The following KLKB1 variants were observed in gnomAD, a reference collection of about 807,000 sequenced individuals.
The protein encoded by KLKB1 is plasma kallikrein.
KLKB1 carries 58 observed loss-of-function variants against 73.6 expected under a neutral mutation model. That is an observed-to-expected ratio of 0.79 (90% CI 0.64 to 0.98). The LOEUF is 0.98. Among genes scored for constraint, KLKB1 ranks in the 50% least tolerant of loss-of-function variants. The probability of loss-of-function intolerance (pLI) is 0.00; values close to 1 mark genes in which losing one functional copy is unlikely to be tolerated. For synonymous variants in KLKB1, 280 were observed against 258.1 expected (o/e 1.08, Z -0.81); for missense variants, 737 against 763.8 (o/e 0.96, Z 0.41).
chr4:186,212,438 A>G (rs900194285), intron 2 of KLKB1: 3 of 152,236 alleles, frequency 2.0e-5, no homozygotes, highest in African/African-American at 7.2e-5. Flanking sequence ...TTTTAATTTG[A>G]TAGGCAATAC....
At chr4:186,216,128 T>C (rs1736897182) in intron 2 of KLKB1, among the ~76,000 whole-genome samples, 1 of 152,244 alleles carries the variant, frequency 6.6e-6, no homozygotes, top group Non-Finnish European at 1.5e-5. Flanking sequence ...ATAGCTTACA[T>C]GTGCGATTGT....
At chr4:186,217,444 A>G (rs1736932653) in intron 2 of KLKB1, among the ~76,000 whole-genome samples, 1 of 152,202 alleles carries the variant, frequency 6.6e-6, no homozygotes, top group Admixed American at 6.5e-5. Context: ...CATATTTAAA[A>G]TATGCTACTT....
chr4:186,242,144 G>A (rs181660060), intron 6 of KLKB1, among the ~76,000 whole-genome samples: 42 of 138,906 alleles, frequency 3.0e-4, no homozygotes, highest in African/African-American at 1.1e-3. Context: ...TCTCTGGCGG[G>A]CAGCGGTGGG....
At chr4:186,237,065 A>G (rs935780670) in intron 5 of KLKB1, 125 bp downstream of exon 5, 2 of 781,714 alleles carry the variant, frequency 2.6e-6, no homozygotes, top group African/African-American at 3.5e-5. Flanking sequence ...CACTTTCCTC[A>G]TTTACTTACT....
At chr4:186,245,830 T>G (rs13103533) in intron 6 of KLKB1, among the ~76,000 whole-genome samples, 16,725 of 134,154 alleles carry the variant, frequency 0.12, 2,571 homozygotes, top group South Asian at 0.22. Flanking sequence ...TTTGGTTTTT[T>G]TTTTTTAATG....
At chr4:186,227,706 T>C (rs1398454340) in intron 1 of KLKB1, 119 bp downstream of exon 1, 1 of 157,408 alleles carries the variant, frequency 6.4e-6, no homozygotes, top group Non-Finnish European at 1.4e-5. Flanking sequence ...GTAGAGAGTA[T>C]AGATAATGTT....
At chr4:186,240,167 C>T (rs552895403) in intron 6 of KLKB1, among the ~76,000 whole-genome samples, 34 of 150,610 alleles carry the variant, frequency 2.3e-4, no homozygotes, top group Admixed American at 3.3e-4. Context: ...TTATAGTTAC[C>T]GTGGTATAGT....
upstream of KLKB1, among the ~76,000 whole-genome samples, chr4:186,225,055 CT>C (rs1208838022): frequency 2.6e-5 from 4 of 152,162 alleles, no homozygotes; most frequent in Non-Finnish European, 5.9e-5. Flanking sequence ...TCCCCTCTGC[CT>C]TCCATCGTGA....
At chr4:186,232,390 G>C (rs1737444003) in intron 3 of KLKB1, 101 bp downstream of exon 3, 1 of 1,109,598 alleles carries the variant, frequency 9.0e-7, no homozygotes, top group Non-Finnish European at 1.4e-6. Flanking sequence ...CTCACACGGG[G>C]TTCAAGGACC....
At chr4:186,239,688 A>G (rs1211875910) in intron 6 of KLKB1, among the ~76,000 whole-genome samples, 1 of 120,976 alleles carries the variant, frequency 8.3e-6, no homozygotes, top group Admixed American at 8.3e-5. Context: ...ATAGGAAACT[A>G]GTACAGTGAT....
At chr4:186,252,285 GA>G in intron 11 of KLKB1, 100 bp downstream of exon 11, 1 of 1,308,640 alleles carries the variant, frequency 7.6e-7, no homozygotes, top group South Asian at 1.2e-5. Context: ...TATGAATAGA[GA>G]CGTGTTAAAG....
Position 186,251,619 on chromosome 4 carries a change from C to G in KLKB1, c.1001C>G (p.Ser334Cys). ...ATTCGCTGTCAGTTTTTCACTTATTCTTTACTCCCAGAAGACTGTAAGGAA... is the reference window on the plus strand; with the variant it reads ...ATTCGCTGTCAGTTTTTCACTTATTGTTTACTCCCAGAAGACTGTAAGGAA... ...KMIRCQFFTYSLLPEDCKEEK... is the reference protein window; with the variant it reads ...KMIRCQFFTYCLLPEDCKEEK... The change falls in exon 9 of 15, where the codon TCT (serine) becomes TGT (cysteine). Residue 334 changes from serine to cysteine, a missense_variant. Physicochemically the swap from Ser to Cys is moderately radical, Grantham distance 112. Transcript: ENST00000264690. 2.5e-6 allele frequency: 4 copies of G among 1,614,098 alleles called. No individual in the cohort carries two copies. Among genetic ancestry groups the G allele is most frequent in the Non-Finnish European group, 3.4e-6 (4 of 1,179,994 alleles).
At chr4:186,214,083 C>G (rs981677704) in intron 2 of KLKB1, among the ~76,000 whole-genome samples, 4 of 152,144 alleles carry the variant, frequency 2.6e-5, no homozygotes. Flanking sequence ...AACGAGTTTT[C>G]CCAGCTGCAA....
chr4:186,231,626 G>GAAAGTTAGT (rs1737402412), intron 2 of KLKB1, among the ~76,000 whole-genome samples: 2 of 147,392 alleles, frequency 1.4e-5, no homozygotes, highest in African/African-American at 5.0e-5. Context: ...CTAACTGTGT[G>GAAAGTTAGT]GATCTTGGGC....
chr4:186,239,078 AGTACAGTGATACTGTTACAG>A (rs1737864343), intron 6 of KLKB1, among the ~76,000 whole-genome samples: 1 of 136,404 alleles, frequency 7.3e-6, no homozygotes, highest in African/African-American at 3.0e-5. Flanking sequence ...ATAGGAAACT[AGTACAGTGATACTGTTACAG>A]GTACAGTGAT....
chr4:186,219,722 G>A (rs1327385585), intron 2 of KLKB1, among the ~76,000 whole-genome samples: 1 of 152,090 alleles, frequency 6.6e-6, no homozygotes, highest in Non-Finnish European at 1.5e-5. Flanking sequence ...AGCAGGTTGT[G>A]GTTTTTTACC....
At chr4:186,216,424 G>A (rs561779424) in intron 2 of KLKB1, among the ~76,000 whole-genome samples, 6 of 152,232 alleles carry the variant, frequency 3.9e-5, no homozygotes, top group South Asian at 4.2e-4. Context: ...GAAGCGTTAC[G>A]CAGAAAGACA....
intron 3 of KLKB1, among the ~76,000 whole-genome samples, 190 bp from the exon 4 acceptor site, chr4:186,233,762 G>T (rs539214759): frequency 6.6e-6 from 1 of 152,156 alleles, no homozygotes; most frequent in African/African-American, 2.4e-5. Flanking sequence ...TAAAGAAAAC[G>T]CAGTGATGGA....
chr4:186,253,785 T>C (rs1738835238), intron 11 of KLKB1, among the ~76,000 whole-genome samples: 1 of 151,942 alleles, frequency 6.6e-6, no homozygotes, highest in Admixed American at 6.6e-5. Flanking sequence ...ATAATCTATT[T>C]ACATTTTCAT....
Sources: gnomAD v4.1 joint callset for allele counts (sites outside exome capture counted in the v4.1 genomes callset) on GRCh38, gnomAD v4.1.1 for gene constraint, MANE v1.5 for transcripts, NCBI Gene and HGNC (gene_info 2026-07-23, HGNC 2026-07-21) for gene names.